ANKS6: variants seen among roughly 807,000 people sequenced by gnomAD.
ANKS6 encodes ankyrin repeat and sterile alpha motif domain containing 6, also known as ankyrin repeat and SAM domain-containing protein 6.
A neutral mutation model predicts 77.9 loss-of-function variants in ANKS6; 47 were observed. The ratio of observed to expected loss-of-function variants is 0.60; its 90% CI spans 0.48 to 0.77. The LOEUF is 0.77. ANKS6 is among the 30% of genes least tolerant of loss of function. The pLI is 0.00. For synonymous variants in ANKS6, 488 were observed against 501.7 expected, an observed-to-expected ratio of 0.97 and a Z score of 0.37; for missense variants, 1,150 against 1,159.1, an observed-to-expected ratio of 0.99 and a Z score of 0.11.
chr9:98,738,203 A>G (rs939312618), intron 14 of ANKS6, among the ~76,000 whole-genome samples: 1 of 152,234 alleles, frequency 6.6e-6, no homozygotes, highest in African/African-American at 2.4e-5. Flanking sequence ...AGAACCCAAA[A>G]GCAATGCATA....
At chr9:98,793,494 G>A (rs1177014377) in intron 1 of ANKS6, among the ~76,000 whole-genome samples, 1 of 152,172 alleles carries the variant, frequency 6.6e-6, no homozygotes, top group Admixed American at 6.5e-5. Context: ...CAGAAAGTCA[G>A]TGCTCAATAA....
chr9:98,779,964 G>A (rs1031487224), intron 6 of ANKS6, among the ~76,000 whole-genome samples: 7 of 151,892 alleles, frequency 4.6e-5, no homozygotes, highest in Non-Finnish European at 7.4e-5. Flanking sequence ...GCCCGGCCGC[G>A]TGGACCCACA....
Position 98,735,390 on chromosome 9 carries a change from C to T in ANKS6, c.*1129G>A, listed in dbSNP as rs1340138198. On this transcript the variant is annotated 3_prime_UTR_variant, in exon 15 of 15. Coordinates refer to ENST00000353234, the MANE Select transcript of ANKS6 (RefSeq NM_173551.5). ...TGCAACAAGCACTGGCTGAATGAGT[C>T]ATTCACTGGAAAACACTTCAGAAAG... 1 of 1,115,920 alleles carries T rather than the reference C, an allele frequency of 9.0e-7. No homozygotes were observed. Among genetic ancestry groups the T allele is most frequent in the African/African-American group, 1.6e-5 (1 of 62,034 alleles). The allele number at this position is 1,115,920 out of a possible 1,614,324, so 69.1% of individuals were successfully genotyped here.
In ANKS6 at chr9:98,774,100, G is replaced by T. The variant is rs780385252; in HGVS notation, c.1618-20C>A. ...TCGAAGCTGAAAAAGACAGGCTGAG[G>T]GTTAGACAAGCCCCCAGGAGGGCTC... On this transcript the variant is annotated intron_variant, in intron 8 of 14. Transcript: ENST00000353234. 1 of 1,435,084 alleles carries T rather than the reference G, an allele frequency of 7.0e-7. No homozygotes were observed. The highest frequency in any genetic ancestry group is 9.2e-7 in the Non-Finnish European group (1 of 1,088,828). The allele number at this position is 1,435,084 out of a possible 1,614,324, so 88.9% of individuals were successfully genotyped here. A position where few individuals can be genotyped will look rare whatever the true frequency, so the allele number is the denominator to read the frequency against.
chr9:98,740,481 C>T (rs111414063), intron 14 of ANKS6, among the ~76,000 whole-genome samples: 1 of 152,322 alleles, frequency 6.6e-6, no homozygotes, highest in Non-Finnish European at 1.5e-5. Context: ...TGTTACCTGC[C>T]AGCGCTGCAC....
chr9:98,787,579 A>G (rs1029617620), intron 2 of ANKS6, among the ~76,000 whole-genome samples: 2 of 152,302 alleles, frequency 1.3e-5, no homozygotes, highest in South Asian at 2.1e-4. Context: ...TTTGTAAAGT[A>G]TCGGAATGAA....
intron 11 of ANKS6, among the ~76,000 whole-genome samples, chr9:98,759,467 G>A (rs541251749): frequency 6.6e-6 from 1 of 152,260 alleles, no homozygotes; most frequent in Non-Finnish European, 1.5e-5. Context: ...CAGGTTGAGG[G>A]CTCAGTCCCA....
intron 1 of ANKS6, 28 bp downstream of exon 1, chr9:98,796,105 C>A: frequency 7.6e-7 from 1 of 1,316,620 alleles, no homozygotes; most frequent in South Asian, 2.1e-5. Context: ...CCACTCTGGT[C>A]CCGGGCCCCC....
chr9:98,795,970 C>T, intron 1 of ANKS6, 163 bp downstream of exon 1: 1 of 710,688 alleles, frequency 1.4e-6, no homozygotes, highest in Non-Finnish European at 1.9e-6. Flanking sequence ...AGTGTTTCCA[C>T]GTCTATGCTC....
rs1833404301 is a variant in ANKS6, at chr9:98,768,120, A to G, written c.2103T>C (p.Leu701=). The G allele has an allele frequency of 6.2e-7, 1 of 1,612,642 alleles. No individual in the cohort carries two copies. Among genetic ancestry groups the G allele is most frequent in the South Asian group, 1.1e-5 (1 of 90,870 alleles). ...GPAPGSSPSE[L]PASPAGGSAP... ...CGCTGCCACCTGCAGGGGAGGCTGG[A>G]AGCTCAGACGGGCTGGACCCCGGTG... The change falls in exon 11 of 15, where the codon CTT becomes CTC. Residue 701 remains leucine (L), a synonymous_variant. Transcript: ENST00000353234.
Position 98,796,127 on chromosome 9 carries a change from C to G in ANKS6, c.359+6G>C. The G allele has an allele frequency of 7.4e-7, 1 of 1,356,314 alleles. No homozygotes were observed. Among genetic ancestry groups the G allele is most frequent in the Non-Finnish European group, 9.5e-7 (1 of 1,055,126 alleles). 84.0% of individuals were successfully genotyped at this position (1,356,314 alleles called of 1,614,324 possible). On this transcript the variant is annotated splice_donor_region_variant and intron_variant, in intron 1 of 14. Coordinates refer to ENST00000353234, the MANE Select transcript of ANKS6 (RefSeq NM_173551.5). ...GGTCCCGGGCCCCCGGGCCCCGCCG[C>G]CTCACCTGGCCGCCTGCATGAGCGC...
rs1832711989 is a variant in ANKS6, at chr9:98,756,484, G to A, written c.2262C>T (p.Ser754=). ...TCTTGGACTGCCGATGGGATGACGA[G>A]GAAGACACTGAGGACTCTGCAGTGT... ...KGHTAESSVS[S]SSSHRQSKSS... The change falls in exon 12 of 15, where the codon TCC becomes TCT. Residue 754 remains serine, a synonymous_variant. Transcript: ENST00000353234. 3 of 1,613,696 alleles carry A rather than the reference G, an allele frequency of 1.9e-6. No homozygotes were observed. The highest frequency in any genetic ancestry group is 1.7e-5 in the Admixed American group (1 of 59,992).
chr9:98,764,359 A>G (rs956590310), intron 11 of ANKS6, among the ~76,000 whole-genome samples: 1 of 152,140 alleles, frequency 6.6e-6, no homozygotes, highest in Non-Finnish European at 1.5e-5. Context: ...CATTCTGTGA[A>G]CTTCCTGGAT....
intron 10 of ANKS6, among the ~76,000 whole-genome samples, chr9:98,769,491 A>T (rs1833507233): frequency 6.6e-6 from 1 of 152,248 alleles, no homozygotes; most frequent in Admixed American, 6.5e-5. Context: ...GGTTAAATGA[A>T]CTGTGATGCC....
rs1564166831 is a variant in ANKS6, at chr9:98,734,557, A to G, written c.*1962T>C. The G allele has an allele frequency of 2.0e-6, 2 of 985,340 alleles. No homozygotes were observed. The highest frequency in any genetic ancestry group is 1.1e-4 in the East Asian group (1 of 8,824). The allele number at this position is 985,340 out of a possible 1,614,324, so 61.0% of individuals were successfully genotyped here. ...TAAAACAAGAATCACAAGTGCTTCT[A>G]GCTCCAGGAGTCTATAGGAGTTAGT... is the stretch of plus-strand genomic sequence containing the variant. On this transcript the variant is annotated 3_prime_UTR_variant, in exon 15 of 15. Transcript: ENST00000353234.
chr9:98,795,284 G>C lies in ANKS6; in HGVS notation c.359+849C>G, dbSNP rs1835112937. 2.0e-5 allele frequency among the ~76,000 whole-genome samples: 3 copies of C among 152,006 alleles called. 1 individual carries two copies. Among genetic ancestry groups the C allele is most frequent in the South Asian group, 4.1e-4 (2 of 4,824 alleles). ...CTTTTTGACTCTAGCTTACCCTAGA[G>C]TATCTAATCTATTCTCACACTTCAA... On this transcript the variant is annotated intron_variant, in intron 1 of 14. Transcript: ENST00000353234.
At position 98,733,479 on chromosome 9, in the gene ANKS6, C is replaced by T. The variant is rs897973775; in HGVS notation, c.*3040G>A. 3.0e-6 allele frequency: 3 copies of T among 985,500 alleles called. No homozygotes were observed. The highest frequency in any genetic ancestry group is 5.2e-4 in the Middle Eastern group (1 of 1,916). 61.0% of individuals were successfully genotyped at this position (985,500 alleles called of 1,614,324 possible). A position where few individuals can be genotyped will look rare whatever the true frequency, so the allele number is the denominator to read the frequency against. Reference sequence around the variant, plus strand: ...CAAAGCAGGACCGGTCCCCTGATGTCCCACTGCCAAGCAGGCCACCTCTGC... The same window carrying T: ...CAAAGCAGGACCGGTCCCCTGATGTTCCACTGCCAAGCAGGCCACCTCTGC... On this transcript the variant is annotated 3_prime_UTR_variant, in exon 15 of 15. Transcript: ENST00000353234.
At chr9:98,744,489 A>C (rs967893349) in intron 14 of ANKS6, among the ~76,000 whole-genome samples, 2 of 152,204 alleles carry the variant, frequency 1.3e-5, no homozygotes, top group African/African-American at 4.8e-5. Flanking sequence ...AAGTGTAAGG[A>C]CATCGGCCTC....
chr9:98,743,504 C>G (rs1483178694), intron 14 of ANKS6, among the ~76,000 whole-genome samples: 1 of 152,224 alleles, frequency 6.6e-6, no homozygotes, highest in Non-Finnish European at 1.5e-5. Context: ...TCTACTACCC[C>G]TCTAACCAGT....
Sources: gnomAD v4.1 joint callset for allele counts (sites outside exome capture counted in the v4.1 genomes callset) on GRCh38, gnomAD v4.1.1 for gene constraint, MANE v1.5 for transcripts, NCBI Gene and HGNC (gene_info 2026-07-23, HGNC 2026-07-21) for gene names.